The following G3BP2 variants were observed in gnomAD, a reference collection of about 807,000 sequenced individuals.
The protein encoded by G3BP2 is G3BP stress granule assembly factor 2.
G3BP2 carries 11 observed loss-of-function variants against 56.7 expected under a neutral mutation model. The observed-to-expected ratio is 0.19, with a 90% CI of 0.12 to 0.32. The LOEUF is 0.32. G3BP2 is among the 10% of genes least tolerant of loss of function. G3BP2 has a pLI of 1.00. For missense variants in G3BP2, 340 were observed against 610.9 expected, an observed-to-expected ratio of 0.56 and a Z score of 4.67; for synonymous variants, 165 against 191.6, an observed-to-expected ratio of 0.86 and a Z score of 1.15.
chr4:75,684,002 G>C (rs1718458070), intron 3 of G3BP2, among the ~76,000 whole-genome samples: 1 of 152,126 alleles, frequency 6.6e-6, no homozygotes, highest in Non-Finnish European at 1.5e-5. Flanking sequence ...AAGAGCTATG[G>C]AGAATCCAAG....
intron 3 of G3BP2, among the ~76,000 whole-genome samples, chr4:75,688,356 A>G (rs35229343): frequency 0.053 from 8,080 of 152,158 alleles, 332 homozygotes; most frequent in Admixed American, 0.089. Flanking sequence ...ATTAAGATTG[A>G]TAGAGGTTCG....
Position 75,656,940 on chromosome 4 carries a change from C to T in G3BP2, c.426G>A (p.Glu142=). Residue 142 remains glutamate (E), a synonymous_variant, in exon 5 of 12, where the codon GAG becomes GAA. Coordinates refer to ENST00000359707, the MANE Select transcript of G3BP2 (RefSeq NM_203505.3). Reference sequence around the variant, plus strand: ...TAACCTCACCTTCATCAAGTTCAGGCTCAGAATCACCAAACACTTCATCTT... The same window carrying T: ...TAACCTCACCTTCATCAAGTTCAGGTTCAGAATCACCAAACACTTCATCTT... ...RYEDEVFGDS[E]PELDEESEDE... 6.6e-7 allele frequency: 1 copy of T among 1,519,466 alleles called. No individual in the cohort carries two copies. The highest frequency in any genetic ancestry group is 9.1e-7 in the Non-Finnish European group (1 of 1,099,346). The allele number at this position is 1,519,466 out of a possible 1,614,324, so 94.1% of individuals were successfully genotyped here. A position where few individuals can be genotyped will look rare whatever the true frequency, so the allele number is the denominator to read the frequency against.
intron 5 of G3BP2, 43 bp downstream of exon 5, chr4:75,656,881 C>T (rs75104598): frequency 1.1e-6 from 1 of 887,640 alleles, no homozygotes; most frequent in East Asian, 2.5e-5. Flanking sequence ...ATAAAGAGTA[C>T]CAACAGAACC....
At position 75,723,260 on chromosome 4, in the gene G3BP2, G is replaced by C. The variant is rs146676989; in HGVS notation, c.-166+1016C>G. Among the ~76,000 whole-genome samples the C allele has an allele frequency of 2.3e-3, 344 of 152,282 alleles. 1 individual carries two copies. The highest frequency in any genetic ancestry group is 4.2e-3 in the Non-Finnish European group (288 of 68,012). On this transcript the variant is annotated intron_variant, in intron 1 of 3. Transcript: ENST00000499709. ...ACAGGCCTGTATGACAAACTAAGGA[G>C]TTTGCACTTTATTCTGGACAGAATG...
At chr4:75,703,265 CA>C (rs139299706) in intron 3 of G3BP2, among the ~76,000 whole-genome samples, 1,553 of 152,260 alleles carry the variant, frequency 0.01, 29 homozygotes, top group African/African-American at 0.036. Context: ...ATAGCAAAAG[CA>C]GATTTCACAG....
At position 75,706,617 on chromosome 4, in the gene G3BP2, C is replaced by A. The variant is rs539398754; in HGVS notation, c.-25+14260G>T. Among the ~76,000 whole-genome samples, 5 of 144,200 alleles carry A rather than the reference C, an allele frequency of 3.5e-5. No individual in the cohort carries two copies. In the East Asian group the frequency reaches 1.1e-3, roughly 30 times the overall value. The allele number at this position is 144,200 out of a possible 152,430, so 94.6% of individuals were successfully genotyped here. On this transcript the variant is annotated intron_variant, in intron 3 of 3. Transcript: ENST00000499709. ...GCTTGAACCTAGGAGGCAGAGGTTG[C>A]GGTGAGCCGAGATCGTGCCATTGCA...
At chr4:75,665,634 CACACACACAAACACACAA>C (rs1207236203) in intron 1 of G3BP2, among the ~76,000 whole-genome samples, 1 of 49,024 alleles carries the variant, frequency 2.0e-5, no homozygotes, top group East Asian at 1.5e-3. Context: ...CAAACACACA[CACACACACAAACACACAA>C]ACAAACACAC....
At chr4:75,721,818 T>G (rs1296179650) in intron 2 of G3BP2, among the ~76,000 whole-genome samples, 1 of 152,154 alleles carries the variant, frequency 6.6e-6, no homozygotes, top group Non-Finnish European at 1.5e-5. Context: ...AACCAATGAA[T>G]TTTGTTCGTT....
At chr4:75,662,219 TA>T (rs1732618408) in intron 1 of G3BP2, 170 bp from the exon 2 acceptor site, 168 of 400,974 alleles carry the variant, frequency 4.2e-4, no homozygotes, top group Non-Finnish European at 6.1e-4. Context: ...TAACCTGAAA[TA>T]ATTTTTTTTT....
chr4:75,703,655 T>C (rs1309539461), intron 3 of G3BP2, among the ~76,000 whole-genome samples: 1 of 152,132 alleles, frequency 6.6e-6, no homozygotes, highest in Non-Finnish European at 1.5e-5. Flanking sequence ...AGACAATGGA[T>C]AAAAGCAATG....
At chr4:75,649,016 A>ATTT in intron 8 of G3BP2, 1 of 242,712 alleles carries the variant, frequency 4.1e-6, no homozygotes, top group Non-Finnish European at 7.9e-6. Context: ...TTATATCAAC[A>ATTT]CTGAAATAGC....
intron 9 of G3BP2, among the ~76,000 whole-genome samples, chr4:75,647,798 T>G (rs1438660197): frequency 1.3e-5 from 2 of 152,216 alleles, no homozygotes; most frequent in Non-Finnish European, 2.9e-5. Context: ...TCTAGTTTGG[T>G]AACATATCAC....
chr4:75,644,260 T>C lies in G3BP2; in HGVS notation c.*1170A>G, dbSNP rs1317996691. The C allele has an allele frequency of 6.6e-6, 1 of 152,548 alleles. No individual in the cohort carries two copies. The highest frequency in any genetic ancestry group is 1.5e-5 in the Non-Finnish European group (1 of 68,032). The allele number at this position is 152,548 out of a possible 1,614,324, so 9.4% of individuals were successfully genotyped here. On this transcript the variant is annotated 3_prime_UTR_variant, in exon 12 of 12. Transcript: ENST00000359707. ...GTCCACATTCAGGCTAAGAGAAAAG[T>C]CAACTAGAGGCTTACTCAAATAACT...
intron 3 of G3BP2, among the ~76,000 whole-genome samples, chr4:75,710,188 C>T (rs1411612764): frequency 6.6e-6 from 1 of 152,090 alleles, no homozygotes; most frequent in African/African-American, 2.4e-5. Flanking sequence ...GTCTTGAATT[C>T]CTGGGCTCAA....
chr4:75,717,454 G>A (rs999422365), intron 3 of G3BP2, among the ~76,000 whole-genome samples: 9 of 152,088 alleles, frequency 5.9e-5, no homozygotes, highest in Admixed American at 1.3e-4. Context: ...TGCTGGCCTG[G>A]AGGCCCAGTC....
rs1578369684 is a variant in G3BP2 at position 75,643,355 on chromosome 4, A to T, written c.*2075T>A. 6.8e-6 allele frequency: 1 copy of T among 147,348 alleles called. No individual in the cohort carries two copies. Among genetic ancestry groups the T allele is most frequent in the East Asian group, 1.9e-4 (1 of 5,168 alleles). The allele number at this position is 147,348 out of a possible 1,614,324, so 9.1% of individuals were successfully genotyped here. On this transcript the variant is annotated 3_prime_UTR_variant, in exon 12 of 12. Transcript: ENST00000359707. ...CAAGAAAATATGCTTGGGGGAAAAA[A>T]AACATTGACAATAAAACAACTGCTT...
At chr4:75,652,714 TA>T (rs1731795679) in intron 8 of G3BP2, among the ~76,000 whole-genome samples, 1 of 152,096 alleles carries the variant, frequency 6.6e-6, no homozygotes, top group African/African-American at 2.4e-5. Flanking sequence ...ACTATGTACA[TA>T]AATGTCTGTG....
intron 3 of G3BP2, among the ~76,000 whole-genome samples, chr4:75,707,076 C>T (rs1719573442): frequency 1.3e-5 from 2 of 151,044 alleles, no homozygotes; most frequent in African/African-American, 4.9e-5. Context: ...CCTGTAATCC[C>T]AGCTACTCGG....
chr4:75,654,084 G>A lies in G3BP2; in HGVS notation c.727-3C>T. Reference sequence around the variant, plus strand: ...GTCACTGAAGCCCAGGAGAAAGCCTGCAGGAAATGCAACAAACCTAGACTA... The same window carrying A: ...GTCACTGAAGCCCAGGAGAAAGCCTACAGGAAATGCAACAAACCTAGACTA... On this transcript the variant is annotated splice_polypyrimidine_tract_variant and splice_region_variant and intron_variant, in intron 7 of 11. Coordinates refer to ENST00000359707, the MANE Select transcript of G3BP2 (RefSeq NM_203505.3). 1 of 1,405,130 alleles carries A rather than the reference G, an allele frequency of 7.1e-7. No individual in the cohort carries two copies. Among genetic ancestry groups the A allele is most frequent in the Non-Finnish European group, 1.0e-6 (1 of 990,182 alleles). 87.0% of individuals were successfully genotyped at this position (1,405,130 alleles called of 1,614,324 possible). A position where few individuals can be genotyped will look rare whatever the true frequency, so the allele number is the denominator to read the frequency against.
Sources: allele counts gnomAD v4.1 joint callset (sites outside exome capture counted in the v4.1 genomes callset), GRCh38; gene constraint gnomAD v4.1.1; transcripts MANE v1.5; gene names NCBI Gene and HGNC (gene_info 2026-07-23, HGNC 2026-07-21).